Variants in PCDHGB1 observed in about 807,000 individuals in gnomAD.
PCDHGB1 encodes the protein protocadherin gamma subfamily B, 1.
In PCDHGB1, 34 loss-of-function variants were observed where a neutral mutation model predicts 56.6. That is an observed-to-expected ratio of 0.60 (90% CI 0.46 to 0.80). The LOEUF (loss-of-function observed/expected upper bound fraction) is 0.80. Among genes scored for constraint, PCDHGB1 ranks in the 30% least tolerant of loss-of-function variants. The pLI is 0.00. For synonymous variants in PCDHGB1, 561 were observed against 505.9 expected, an observed-to-expected ratio of 1.11 and a Z score of -1.46; for missense variants, 1,278 against 1,204.6, an observed-to-expected ratio of 1.06 and a Z score of -0.90.
chr5:141,376,067 G>A (rs766311632), intron 1 of PCDHGB1: 4 of 1,613,402 alleles, frequency 2.5e-6, no homozygotes, highest in Non-Finnish European at 3.4e-6. Context: ...CACGCTCACC[G>A]TGGCCGTGGC....
rs767577725 is a variant in PCDHGB1 at position 141,485,642 on chromosome 5, G to T, written c.2410-9165G>T. 4.3e-6 allele frequency: 7 copies of T among 1,612,162 alleles called. No homozygotes were observed. The highest frequency in any genetic ancestry group is 1.7e-5 in the Admixed American group (1 of 59,938). ...AGGACAGCGTTTCCCGTTGGAAAAGGCTCAGGATGCAGATGTGGGGAGCAA... is the reference window on the plus strand; with the variant it reads ...AGGACAGCGTTTCCCGTTGGAAAAGTCTCAGGATGCAGATGTGGGGAGCAA... On this transcript the variant is annotated intron_variant, in intron 1 of 3. Coordinates refer to ENST00000523390, the MANE Select transcript of PCDHGB1 (RefSeq NM_018922.3). This position sits in a 1 kb window ranked among gnomAD's most constrained non-coding sequence, Gnocchi z 5.7.
chr5:141,435,027 AC>A (rs1485237615), intron 1 of PCDHGB1, among the ~76,000 whole-genome samples: 1 of 151,978 alleles, frequency 6.6e-6, no homozygotes, highest in Non-Finnish European at 1.5e-5. Flanking sequence ...CTCTTTTCCC[AC>A]TTTTATTTTT....
chr5:141,417,896 C>G, intron 1 of PCDHGB1: 1 of 1,576,868 alleles, frequency 6.3e-7, no homozygotes, highest in Non-Finnish European at 8.6e-7. Flanking sequence ...CCGGGCCGGC[C>G]CGCGGCAGGT....
intron 1 of PCDHGB1, chr5:141,478,831 G>C: frequency 7.0e-7 from 1 of 1,435,672 alleles, no homozygotes; most frequent in Non-Finnish European, 9.1e-7. Flanking sequence ...ATCTTGCTAA[G>C]GGATGGTTAA....
rs2149992111 is a variant in PCDHGB1 at position 141,371,797 on chromosome 5, G to A, written c.2409+19128G>A. On this transcript the variant is annotated intron_variant, in intron 1 of 3. Transcript: ENST00000523390. ...CATGTAGCTGAGAACAATCCGCCTG[G>A]AGCCTCCATTGCGCATGTCAGAGCC... 1.9e-6 allele frequency: 3 copies of A among 1,613,898 alleles called. No homozygotes were observed. In the East Asian group the frequency reaches 6.7e-5, roughly 36 times the overall value.
At chr5:141,390,324 A>G in intron 1 of PCDHGB1, 2 of 1,605,484 alleles carry the variant, frequency 1.2e-6, no homozygotes, top group East Asian at 4.5e-5. Flanking sequence ...TTGCCTACCC[A>G]TTTCTCCATA....
chr5:141,411,752 C>T (rs2095512204), intron 1 of PCDHGB1: 1 of 152,734 alleles, frequency 6.5e-6, no homozygotes. Context: ...TGTGGTGGCA[C>T]ATGCCTGTGG....
chr5:141,470,742 G>T (rs2099238719), intron 1 of PCDHGB1, among the ~76,000 whole-genome samples: 1 of 152,066 alleles, frequency 6.6e-6, no homozygotes, highest in African/African-American at 2.4e-5. Flanking sequence ...CTGTCGCCCT[G>T]GCTGGAGTGC....
In PCDHGB1 at chr5:141,415,739, G is replaced by GTTTT; in HGVS notation, c.2409+63070_2409+63071insTTTT. On this transcript the variant is annotated intron_variant, in intron 1 of 3. Transcript: ENST00000523390. The stretch of plus-strand genomic sequence containing the variant: ...ATGAGTAGAATTTGATGTTTATTAA[G>GTTTT]GTTTTTTTTTTTTTTTTTTTTTTTT... 9.2e-6 allele frequency: 4 copies of GTTTT among 434,946 alleles called. No homozygotes were observed. In the African/African-American group the frequency reaches 1.3e-4, roughly 14 times the overall value. 26.9% of individuals were successfully genotyped at this position (434,946 alleles called of 1,614,324 possible).
At chr5:141,374,777 G>A (rs755463569) in intron 1 of PCDHGB1, 1 of 1,613,852 alleles carries the variant, frequency 6.2e-7, no homozygotes, top group South Asian at 1.1e-5. Context: ...TCTGGTAACA[G>A]TTCTAGATGT....
rs2095403267 is a variant in PCDHGB1, at chr5:141,410,523, A to C, written c.2409+57854A>C. 2 of 1,613,800 alleles carry C rather than the reference A, an allele frequency of 1.2e-6. No individual in the cohort carries two copies. Among genetic ancestry groups the C allele is most frequent in the African/African-American group, 2.7e-5 (2 of 74,910 alleles). ...TTCCTAAAATGCAGTGTGCCCCTAC[A>C]TTCCAATGAAGACATGGTTTGCAGT... On this transcript the variant is annotated intron_variant, in intron 1 of 3. Coordinates refer to ENST00000523390, the MANE Select transcript of PCDHGB1 (RefSeq NM_018922.3).
At chr5:141,362,214 T>TGTGGCC (rs1294960124) in intron 1 of PCDHGB1, 1 of 1,613,866 alleles carries the variant, frequency 6.2e-7, no homozygotes, top group Non-Finnish European at 8.5e-7. Flanking sequence ...TTTACCTGGT[T>TGTGGCC]GTGGCCTTGG....
chr5:141,384,164 T>C, intron 1 of PCDHGB1: 1 of 1,613,724 alleles, frequency 6.2e-7, no homozygotes, highest in Non-Finnish European at 8.5e-7. Flanking sequence ...AACATCACAC[T>C]GAAAGCCACA....
chr5:141,471,338 A>G (rs1562030662), intron 1 of PCDHGB1: 1 of 152,234 alleles, frequency 6.6e-6, no homozygotes, highest in Non-Finnish European at 1.5e-5. Context: ...GGTATGATCC[A>G]CTGCGCCCGG....
At chr5:141,370,824 G>A (rs754309102) in intron 1 of PCDHGB1, 3 of 1,613,996 alleles carry the variant, frequency 1.9e-6, no homozygotes, top group Middle Eastern at 1.7e-4. Context: ...GGAAATCAGC[G>A]AACTGGCTCT....
rs746838072 is a variant in PCDHGB1 at position 141,486,116 on chromosome 5, T to A, written c.2410-8691T>A. ...GCCCCTAGACTTTGAGAGTGAGAATTACTATGAATTTGATGTGCGGGCTCG... is the reference window on the plus strand; with the variant it reads ...GCCCCTAGACTTTGAGAGTGAGAATAACTATGAATTTGATGTGCGGGCTCG... On this transcript the variant is annotated intron_variant, in intron 1 of 3. Coordinates refer to ENST00000523390, the MANE Select transcript of PCDHGB1 (RefSeq NM_018922.3). This position sits in a 1 kb window ranked among gnomAD's most constrained non-coding sequence, Gnocchi z 5.0. 1.1e-5 allele frequency: 17 copies of A among 1,613,638 alleles called. No homozygotes were observed. Among genetic ancestry groups the A allele is most frequent in the Non-Finnish European group, 1.4e-5 (17 of 1,179,610 alleles).
intron 1 of PCDHGB1, chr5:141,414,799 G>T (rs1177065576): frequency 1.9e-6 from 3 of 1,614,096 alleles, no homozygotes; most frequent in Non-Finnish European, 2.5e-6. Flanking sequence ...CAGCGACAGC[G>T]GGGATCCTCC....
Position 141,350,506 on chromosome 5 carries a change from AGTGAACG to A in PCDHGB1, c.249_255del (p.Asn84GlyfsTer2). 2 of 1,614,058 alleles carry A rather than the reference AGTGAACG, an allele frequency of 1.2e-6. No homozygotes were observed. Among genetic ancestry groups the A allele is most frequent in the Non-Finnish European group, 1.7e-6 (2 of 1,179,912 alleles). On this transcript the variant is annotated frameshift_variant, in exon 1 of 4. Transcript: ENST00000523390. LOFTEE classifies it high-confidence loss of function. Reference sequence around the variant, plus strand: ...TTAGTTTGGAGAGCGGGGATTTGTTAGTGAACGGTAGGATAGATCGAGAGAAGATTTG... The same window carrying A: ...TTAGTTTGGAGAGCGGGGATTTGTTAGTAGGATAGATCGAGAGAAGATTTG...
At chr5:141,422,791 G>T (rs2096673253) in intron 1 of PCDHGB1, 2 of 1,614,020 alleles carry the variant, frequency 1.2e-6, no homozygotes, top group South Asian at 1.1e-5. Context: ...ACAATCCTTC[G>T]ACTATGAGCA....
Sources: allele counts gnomAD v4.1 joint callset (sites outside exome capture counted in the v4.1 genomes callset), GRCh38; gene constraint gnomAD v4.1.1; non-coding constraint Gnocchi (gnomAD v3.1); transcripts MANE v1.5; gene names NCBI Gene and HGNC (gene_info 2026-07-23, HGNC 2026-07-21).